NEDD9: variants seen among roughly 807,000 people sequenced by gnomAD.
The protein encoded by NEDD9 is neural precursor cell expressed, developmentally down-regulated 9.
A neutral mutation model predicts 76.6 loss-of-function variants in NEDD9; 26 were observed. That is an observed-to-expected ratio of 0.34 (90% CI 0.25 to 0.47). NEDD9 has a LOEUF of 0.47. NEDD9 is among the 20% of genes least tolerant of loss of function. The pLI is 1.00. For synonymous variants in NEDD9, 392 were observed against 414.2 expected, an observed-to-expected ratio of 0.95 and a Z score of 0.65; for missense variants, 937 against 1,058.5, an observed-to-expected ratio of 0.89 and a Z score of 1.59.
intron 2 of NEDD9, among the ~76,000 whole-genome samples, chr6:11,194,561 C>G (rs1248786841): frequency 6.6e-6 from 1 of 152,152 alleles, no homozygotes; most frequent in African/African-American, 2.4e-5. Context: ...CCTTAGAAAC[C>G]TCTGGGAGCT....
intron 2 of NEDD9, among the ~76,000 whole-genome samples, chr6:11,312,040 G>A (rs4713398): frequency 0.078 from 11,911 of 152,042 alleles, 599 homozygotes; most frequent in Admixed American, 0.16. Flanking sequence ...TGAGCCTCCA[G>A]TTCTGTCCTC....
rs1483777787 is a variant in NEDD9, at chr6:11,237,833, A to C, written c.13-24106T>G. On this transcript the variant is annotated intron_variant, in intron 3 of 3. Coordinates refer to the NEDD9 transcript ENST00000397378. The surrounding 1 kb of genome is among the most constrained non-coding windows in gnomAD (Gnocchi z 4.9). ...TCTATGCCTGAGTTCAGAATAAAGT[A>C]TAGATCTTTCCACATCTACAGGGGA... Among the ~76,000 whole-genome samples the C allele has an allele frequency of 1.3e-5, 2 of 152,212 alleles. No homozygotes were observed. The highest frequency in any genetic ancestry group is 4.8e-5 in the African/African-American group (2 of 41,448).
chr6:11,264,362 G>A (rs970611062), intron 3 of NEDD9, among the ~76,000 whole-genome samples: 12 of 152,132 alleles, frequency 7.9e-5, no homozygotes, highest in African/African-American at 1.2e-4. Context: ...AGCATCCCGC[G>A]CTCATAGGTC....
rs554458050 is a variant in NEDD9 at position 11,332,900 on chromosome 6, T to C, written c.-153+1601A>G. On this transcript the variant is annotated intron_variant, in intron 2 of 3. Coordinates refer to the NEDD9 transcript ENST00000397378. ...CATGTTTTCTCTTCAGCAAAATAAA[T>C]GCTGCATAGAAGCGGTTAATAGTCC... Among the ~76,000 whole-genome samples the C allele has an allele frequency of 1.8e-4, 27 of 152,294 alleles. No homozygotes were observed. In the East Asian group the frequency reaches 5.0e-3, roughly 28 times the overall value.
intron 2 of NEDD9, among the ~76,000 whole-genome samples, chr6:11,328,158 G>A (rs890261678): frequency 1.3e-5 from 2 of 152,206 alleles, no homozygotes; most frequent in African/African-American, 4.8e-5. Context: ...CACCCACCAC[G>A]TGGTGCCTGG....
At chr6:11,312,421 C>T (rs1347581569) in intron 2 of NEDD9, among the ~76,000 whole-genome samples, 1 of 152,118 alleles carries the variant, frequency 6.6e-6, no homozygotes, top group Non-Finnish European at 1.5e-5. Context: ...TGCTCTTGTA[C>T]CTCTCCATTC....
In NEDD9 at chr6:11,213,213, C is replaced by G; in HGVS notation, c.459+68G>C. On this transcript the variant is annotated intron_variant, in intron 2 of 6. Transcript: ENST00000379446. This position sits in a 1 kb window ranked among gnomAD's most constrained non-coding sequence, Gnocchi z 5.4. ...CAAGTTATTAATTTGGGAACATTTCCAAATGCTCCAAGTGTAATGGGAAAA... is the reference window on the plus strand; with the variant it reads ...CAAGTTATTAATTTGGGAACATTTCGAAATGCTCCAAGTGTAATGGGAAAA... 7.1e-7 allele frequency: 1 copy of G among 1,400,656 alleles called. No homozygotes were observed. The highest frequency in any genetic ancestry group is 9.7e-7 in the Non-Finnish European group (1 of 1,031,890). 86.8% of individuals were successfully genotyped at this position (1,400,656 alleles called of 1,614,324 possible).
chr6:11,270,525 C>A (rs1382857552), intron 3 of NEDD9, among the ~76,000 whole-genome samples: 1 of 152,188 alleles, frequency 6.6e-6, no homozygotes, highest in Admixed American at 6.5e-5. Context: ...AGACCTTGAA[C>A]ACACTTGGCC....
chr6:11,222,336 C>G (rs1759166637), intron 1 of NEDD9, among the ~76,000 whole-genome samples: 1 of 152,208 alleles, frequency 6.6e-6, no homozygotes, highest in Admixed American at 6.5e-5. Context: ...TTGGTATTAT[C>G]TACTTCACTT....
upstream of NEDD9, among the ~76,000 whole-genome samples, chr6:11,234,947 G>A (rs1334330548): frequency 6.6e-6 from 1 of 152,046 alleles, no homozygotes; most frequent in Non-Finnish European, 1.5e-5. Context: ...CCTGACCTCA[G>A]GTGATCTACC....
At chr6:11,225,937 G>A (rs898892644) in intron 1 of NEDD9, among the ~76,000 whole-genome samples, 22 of 151,324 alleles carry the variant, frequency 1.5e-4, no homozygotes, top group Admixed American at 9.9e-4. Flanking sequence ...CGTCAACCAT[G>A]AAAAACTGCT....
chr6:11,353,229 T>C (rs1031129533), intron 1 of NEDD9, among the ~76,000 whole-genome samples: 3 of 152,252 alleles, frequency 2.0e-5, no homozygotes, highest in Non-Finnish European at 4.4e-5. Context: ...TGAAAGGGTA[T>C]GTGGGAGTCC....
chr6:11,209,766 C>G (rs1015391831), intron 2 of NEDD9, among the ~76,000 whole-genome samples: 1 of 152,180 alleles, frequency 6.6e-6, no homozygotes, highest in Non-Finnish European at 1.5e-5. Flanking sequence ...CAGCTGAACC[C>G]TGAAGGCCTT....
intron 1 of NEDD9, among the ~76,000 whole-genome samples, chr6:11,364,304 CA>C (rs774499695): frequency 2.6e-5 from 4 of 152,126 alleles, no homozygotes; most frequent in Non-Finnish European, 5.9e-5. Context: ...CTTGGTAGCT[CA>C]TGTCTGGTTT....
chr6:11,227,146 G>T (rs1273218974), intron 1 of NEDD9, among the ~76,000 whole-genome samples: 1 of 152,216 alleles, frequency 6.6e-6, no homozygotes, highest in Non-Finnish European at 1.5e-5. Context: ...ATATTAGCAA[G>T]TGGGGTCATA....
chr6:11,259,981 A>C (rs1341411580), intron 3 of NEDD9, among the ~76,000 whole-genome samples: 3 of 65,700 alleles, frequency 4.6e-5, no homozygotes, highest in Admixed American at 1.5e-4. Flanking sequence ...CCACCACAGA[A>C]ACAAAGATCC....
intron 3 of NEDD9, among the ~76,000 whole-genome samples, chr6:11,242,354 G>C (rs1312704878): frequency 6.6e-6 from 1 of 152,170 alleles, no homozygotes; most frequent in Non-Finnish European, 1.5e-5. Context: ...ATGTAGACAA[G>C]GGAGTGTTGC....
At chr6:11,210,776 A>G (rs1758764292) in intron 2 of NEDD9, among the ~76,000 whole-genome samples, 1 of 150,678 alleles carries the variant, frequency 6.6e-6, no homozygotes, top group Non-Finnish European at 1.5e-5. Flanking sequence ...GGAGAGAGAG[A>G]GAGAGAGAGA....
In NEDD9 at chr6:11,351,148, A is replaced by C. The variant is rs1180070295; in HGVS notation, c.-213-16587T>G. ...AGATGTTCCAGGAAGAGTTTACAGC[A>C]TGTGCGAGGGACATGAGCCAGAAAG... On this transcript the variant is annotated intron_variant, in intron 1 of 3. Transcript: ENST00000397378. Among the ~76,000 whole-genome samples, 3 of 152,272 alleles carry C rather than the reference A, an allele frequency of 2.0e-5. No homozygotes were observed. In the East Asian group the frequency reaches 5.8e-4, roughly 29 times the overall value.
Sources: allele counts gnomAD v4.1 joint callset (sites outside exome capture counted in the v4.1 genomes callset), GRCh38; gene constraint gnomAD v4.1.1; non-coding constraint Gnocchi (gnomAD v3.1); transcripts MANE v1.5; gene names NCBI Gene and HGNC (gene_info 2026-07-23, HGNC 2026-07-21).